The following SLC39A7 variants were observed in gnomAD, a reference collection of about 807,000 sequenced individuals.
SLC39A7 encodes the protein solute carrier family 39 member 7, also known as zinc transporter SLC39A7.
SLC39A7 carries 25 observed loss-of-function variants against 39.7 expected under a neutral mutation model. The observed-to-expected ratio is 0.63, with a 90% CI of 0.46 to 0.88. The LOEUF is 0.88. Among genes scored for constraint, SLC39A7 ranks in the 40% least tolerant of loss-of-function variants. The pLI, the probability that SLC39A7 is intolerant of heterozygous loss-of-function variation, is 0.00. For synonymous variants in SLC39A7, 181 were observed against 234.1 expected (o/e 0.77, Z 2.07); for missense variants, 501 against 592.1 (o/e 0.85, Z 1.60).
At chr6:33,203,229 A>G in intron 6 of SLC39A7, 123 bp downstream of exon 6, 1 of 878,434 alleles carries the variant, frequency 1.1e-6, no homozygotes, top group Non-Finnish European at 1.8e-6. Context: ...TCCTCTAGAA[A>G]TGAGGGGGAA....
chr6:33,201,437 T>TG lies in SLC39A7; in HGVS notation c.194dup (p.His66ProfsTer21). 1 of 1,613,960 alleles carries TG rather than the reference T, an allele frequency of 6.2e-7. No homozygotes were observed. On this transcript the variant is annotated frameshift_variant, in exon 1 of 7. Coordinates refer to ENST00000374677, the MANE Select transcript of SLC39A7 (RefSeq NM_006979.3). LOFTEE classifies it high-confidence loss of function. The surrounding 1 kb of genome is among the most constrained non-coding windows in gnomAD (Gnocchi z 5.9). The stretch of plus-strand genomic sequence containing the variant: ...ATGGCCACAGCCATGCCCATGGCCA[T>TG]GGCCACACTCACGAGAGCATCTGGC...
chr6:33,201,220 C>T lies in SLC39A7; in HGVS notation c.-26C>T. 6.3e-7 allele frequency: 1 copy of T among 1,587,776 alleles called. No individual in the cohort carries two copies. The highest frequency in any genetic ancestry group is 8.6e-7 in the Non-Finnish European group (1 of 1,169,504). Reference sequence around the variant, plus strand: ...TATAGAGTTGAGTCAAGTGGAGTCACTGCCTCTGTCCCTCTGGTCAGCGTG... The same window carrying T: ...TATAGAGTTGAGTCAAGTGGAGTCATTGCCTCTGTCCCTCTGGTCAGCGTG... On this transcript the variant is annotated 5_prime_UTR_variant, in exon 1 of 7. Coordinates refer to ENST00000374677, the MANE Select transcript of SLC39A7 (RefSeq NM_006979.3). This position sits in a 1 kb window ranked among gnomAD's most constrained non-coding sequence, Gnocchi z 5.9.
In SLC39A7 at chr6:33,201,923, C is replaced by T. The variant is rs941034339; in HGVS notation, c.580+10C>T. On this transcript the variant is annotated intron_variant, in intron 2 of 6. Coordinates refer to ENST00000374677, the MANE Select transcript of SLC39A7 (RefSeq NM_006979.3). This position sits in a 1 kb window ranked among gnomAD's most constrained non-coding sequence, Gnocchi z 5.9. ...ATTCCTCATGCTCTTGGTAAGTAAC[C>T]TCTGACTTCTACCTCAAATCTAACC... 2 of 1,612,468 alleles carry T rather than the reference C, an allele frequency of 1.2e-6. No homozygotes were observed. The highest frequency in any genetic ancestry group is 1.7e-6 in the Non-Finnish European group (2 of 1,179,650).
chr6:33,201,789 C>T lies in SLC39A7; in HGVS notation c.456C>T (p.Val152=). 1.2e-6 allele frequency: 2 copies of T among 1,613,790 alleles called. No homozygotes were observed. The highest frequency in any genetic ancestry group is 1.7e-6 in the Non-Finnish European group (2 of 1,179,988). Residue 152 remains valine, a synonymous_variant, in exon 2 of 7, where the codon GTC becomes GTT. Transcript: ENST00000374677. This position sits in a 1 kb window ranked among gnomAD's most constrained non-coding sequence, Gnocchi z 5.9. ...TGATCTCAGCAGCTCCATTTTTTGT[C>T]CTCTTCCTTATCCCCGTGGAGTCGA... ...TVLISAAPFF[V]LFLIPVESNS... is the part of the protein sequence containing the mutation.
At position 33,202,247 on chromosome 6, in the gene SLC39A7, A is replaced by G. The variant is rs780703223; in HGVS notation, c.635-16A>G. On this transcript the variant is annotated splice_polypyrimidine_tract_variant and intron_variant, in intron 3 of 6. Transcript: ENST00000374677. ...AATGCACATCTCCCTTAATGTCTCAATGCCTCCATTCCCAGGCCAGGGCCC... is the reference window on the plus strand; with the variant it reads ...AATGCACATCTCCCTTAATGTCTCAGTGCCTCCATTCCCAGGCCAGGGCCC... The G allele has an allele frequency of 6.2e-7, 1 of 1,609,278 alleles. No homozygotes were observed. Among genetic ancestry groups the G allele is most frequent in the Non-Finnish European group, 8.5e-7 (1 of 1,176,718 alleles).
Position 33,201,015 on chromosome 6 carries a change from CAG to C in SLC39A7, c.-226_-225del. ...CTAATGAGTCGTAGAGACGAGGGCC[CAG>C]AGAGTCTGTAAAGTGGCTGGTGAAA... On this transcript the variant is annotated 5_prime_UTR_variant, in exon 1 of 7. It removes the in-frame stop codon of an upstream open reading frame in the 5' UTR. Transcript: ENST00000374677. The surrounding 1 kb of genome is among the most constrained non-coding windows in gnomAD (Gnocchi z 5.9). 3 of 768,210 alleles carry C rather than the reference CAG, an allele frequency of 3.9e-6. No individual in the cohort carries two copies. The highest frequency in any genetic ancestry group is 4.1e-5 in the Admixed American group (2 of 49,112). The allele number at this position is 768,210 out of a possible 1,614,324, so 47.6% of individuals were successfully genotyped here.
chr6:33,203,203 T>C (rs936428659), intron 6 of SLC39A7, 97 bp downstream of exon 6: 34 of 1,066,778 alleles, frequency 3.2e-5, no homozygotes, highest in Non-Finnish European at 4.4e-5. Context: ...AAACAATTCA[T>C]ACTGTCATTG....
In SLC39A7 at chr6:33,201,833, C is replaced by T; in HGVS notation, c.500C>T (p.Ser167Phe). ...GAGTCGAACTCTCCCCGGCATCGCT[C>T]TCTACTTCAGATCTTGCTCAGTTTT... ...PVESNSPRHRSLLQILLSFAS... is the reference protein window; with the variant it reads ...PVESNSPRHRFLLQILLSFAS... The change falls in exon 2 of 7, where the codon TCT (serine) becomes TTT (phenylalanine). Residue 167 changes from serine to phenylalanine, a missense_variant. Ser to Phe is a radical substitution (Grantham distance 155). Transcript: ENST00000374677. The surrounding 1 kb of genome is among the most constrained non-coding windows in gnomAD (Gnocchi z 5.9). 1 of 1,613,260 alleles carries T rather than the reference C, an allele frequency of 6.2e-7. No individual in the cohort carries two copies. The highest frequency in any genetic ancestry group is 8.5e-7 in the Non-Finnish European group (1 of 1,179,996).
chr6:33,200,952 G>GT lies in SLC39A7; in HGVS notation c.-288dup, dbSNP rs1223778046. Reference sequence around the variant, plus strand: ...ATCCCGGAGCCGGTGAGAATTCTCTGTTTTTTCTCTACCATCCTTTCCAGG... The same window carrying GT: ...ATCCCGGAGCCGGTGAGAATTCTCTGTTTTTTTCTCTACCATCCTTTCCAGG... On this transcript the variant is annotated 5_prime_UTR_variant, in exon 1 of 7. Coordinates refer to ENST00000374677, the MANE Select transcript of SLC39A7 (RefSeq NM_006979.3). This position sits in a 1 kb window ranked among gnomAD's most constrained non-coding sequence, Gnocchi z 6.3. The GT allele has an allele frequency of 4.4e-6, 4 of 913,872 alleles. No homozygotes were observed. Among genetic ancestry groups the GT allele is most frequent in the Admixed American group, 2.0e-5 (1 of 49,758 alleles). The allele number at this position is 913,872 out of a possible 1,614,324, so 56.6% of individuals were successfully genotyped here. A position where few individuals can be genotyped will look rare whatever the true frequency, so the allele number is the denominator to read the frequency against.
At position 33,201,578 on chromosome 6, in the gene SLC39A7, G is replaced by A; in HGVS notation, c.333G>A (p.Glu111=). The change falls in exon 1 of 7, where the codon GAG becomes GAA. Residue 111 remains glutamate (E), a synonymous_variant. Transcript: ENST00000374677. This position sits in a 1 kb window ranked among gnomAD's most constrained non-coding sequence, Gnocchi z 5.9. ...LYHRGHGHDH[E]HSHGGYGESG... ...ACAGAGGACATGGACATGACCATGA[G>A]CATAGCCATGGAGGCTATGGGGAGT... 8 of 1,613,436 alleles carry A rather than the reference G, an allele frequency of 5.0e-6. No homozygotes were observed. Among genetic ancestry groups the A allele is most frequent in the Non-Finnish European group, 6.8e-6 (8 of 1,179,382 alleles).
chr6:33,204,332 T>C lies in SLC39A7; in HGVS notation c.*519T>C. 1 of 539,226 alleles carries C rather than the reference T, an allele frequency of 1.9e-6. No homozygotes were observed. The highest frequency in any genetic ancestry group is 3.3e-6 in the Non-Finnish European group (1 of 298,918). The allele number at this position is 539,226 out of a possible 1,614,324, so 33.4% of individuals were successfully genotyped here. ...TGGGGTGGGAGAGGGTTAGTTGGTA[T>C]TCTCATGGCCTGATTTTTTTTGTTT... On this transcript the variant is annotated 3_prime_UTR_variant, in exon 7 of 7. Transcript: ENST00000374677.
At position 33,204,113 on chromosome 6, in the gene SLC39A7, G is replaced by A. The variant is rs1774830308; in HGVS notation, c.*300G>A. On this transcript the variant is annotated 3_prime_UTR_variant, in exon 7 of 7. Transcript: ENST00000374677. ...AGGGGGTGATGGCAGCCTACCTGGTGTCCCCTACCCCACCTGTTCTCGGAG... is the reference window on the plus strand; with the variant it reads ...AGGGGGTGATGGCAGCCTACCTGGTATCCCCTACCCCACCTGTTCTCGGAG... The A allele has an allele frequency of 1.8e-6, 1 of 552,620 alleles. No individual in the cohort carries two copies. Among genetic ancestry groups the A allele is most frequent in the African/African-American group, 1.9e-5 (1 of 53,134 alleles). 34.2% of individuals were successfully genotyped at this position (552,620 alleles called of 1,614,324 possible).
chr6:33,201,876 G>A lies in SLC39A7; in HGVS notation c.543G>A (p.Leu181=), dbSNP rs1774602370. 6.2e-7 allele frequency: 1 copy of A among 1,612,772 alleles called. No individual in the cohort carries two copies. Among genetic ancestry groups the A allele is most frequent in the Non-Finnish European group, 8.5e-7 (1 of 1,179,996 alleles). ...ILLSFASGGL[L]GDAFLHLIPH... ...TCAGTTTTGCTTCCGGTGGGCTCCT[G>A]GGAGATGCTTTCCTGCACCTCATTC... Residue 181 remains leucine, a synonymous_variant, in exon 2 of 7, where the codon CTG becomes CTA. Transcript: ENST00000374677. This position sits in a 1 kb window ranked among gnomAD's most constrained non-coding sequence, Gnocchi z 5.9.
intron 6 of SLC39A7, 48 bp downstream of exon 6, chr6:33,203,154 C>T: frequency 1.4e-6 from 2 of 1,464,914 alleles, no homozygotes; most frequent in Non-Finnish European, 1.8e-6. Context: ...TTTATCTCTC[C>T]TCACTCACCC....
rs781280210 is a variant in SLC39A7, at chr6:33,202,303, TGGAA to T, written c.676_679del (p.Gly226LeufsTer11). Reference sequence around the variant, plus strand: ...TGTCTGTGGGACTGTGGGTTCTCAGTGGAATTGTTGCCTTTCTTGTCGTGGAGAA... The same window carrying T: ...TGTCTGTGGGACTGTGGGTTCTCAGTTTGTTGCCTTTCTTGTCGTGGAGAA... On this transcript the variant is annotated frameshift_variant, in exon 4 of 7. Coordinates refer to ENST00000374677, the MANE Select transcript of SLC39A7 (RefSeq NM_006979.3). LOFTEE classifies it high-confidence loss of function. 3.7e-5 allele frequency: 60 copies of T among 1,612,798 alleles called. No individual in the cohort carries two copies. The highest frequency in any genetic ancestry group is 5.0e-5 in the Non-Finnish European group (59 of 1,180,012).
At position 33,201,954 on chromosome 6, in the gene SLC39A7, C is replaced by T. The variant is rs746708643; in HGVS notation, c.580+41C>T. The T allele has an allele frequency of 1.4e-5, 22 of 1,607,372 alleles. No homozygotes were observed. Among genetic ancestry groups the T allele is most frequent in the South Asian group, 4.4e-5 (4 of 90,984 alleles). On this transcript the variant is annotated intron_variant, in intron 2 of 6. Transcript: ENST00000374677. This position sits in a 1 kb window ranked among gnomAD's most constrained non-coding sequence, Gnocchi z 5.9. Reference sequence around the variant, plus strand: ...CTTCTACCTCAAATCTAACCTATTTCGTTCTTTGGAGGAAAAGGGTTCTTT... The same window carrying T: ...CTTCTACCTCAAATCTAACCTATTTTGTTCTTTGGAGGAAAAGGGTTCTTT...
Position 33,201,839 on chromosome 6 carries a change from T to C in SLC39A7, c.506T>C (p.Leu169Pro). The change falls in exon 2 of 7, where the codon CTT becomes CCT. Residue 169 changes from leucine to proline, a missense_variant. Transcript: ENST00000374677. This position sits in a 1 kb window ranked among gnomAD's most constrained non-coding sequence, Gnocchi z 5.9. ...ESNSPRHRSL[L>P]QILLSFASGG... The stretch of plus-strand genomic sequence containing the variant: ...AACTCTCCCCGGCATCGCTCTCTAC[T>C]TCAGATCTTGCTCAGTTTTGCTTCC... 1 of 1,613,184 alleles carries C rather than the reference T, an allele frequency of 6.2e-7. No homozygotes were observed. The highest frequency in any genetic ancestry group is 8.5e-7 in the Non-Finnish European group (1 of 1,179,994).
chr6:33,203,299 T>G (rs886336049), intron 6 of SLC39A7, among the ~76,000 whole-genome samples, 193 bp downstream of exon 6: 2 of 152,254 alleles, frequency 1.3e-5, no homozygotes, highest in Non-Finnish European at 2.9e-5. Flanking sequence ...ATAAACCATC[T>G]GAATGGTTTA....
intron 6 of SLC39A7, 77 bp downstream of exon 6, chr6:33,203,183 T>TA: frequency 8.0e-7 from 1 of 1,243,752 alleles, no homozygotes; most frequent in Non-Finnish European, 1.1e-6. Context: ...AACAGCCTCT[T>TA]ATTAGTTCCA....
Sources: gnomAD v4.1 joint callset for allele counts (sites outside exome capture counted in the v4.1 genomes callset) on GRCh38, gnomAD v4.1.1 for gene constraint, Gnocchi (gnomAD v3.1) non-coding constraint, MANE v1.5 for transcripts, NCBI Gene and HGNC (gene_info 2026-07-23, HGNC 2026-07-21) for gene names.